SNED1: variants seen among roughly 807,000 people sequenced by gnomAD.
SNED1 encodes the protein sushi, nidogen and EGF-like domain-containing protein 1.
Under a neutral mutation model 166.7 loss-of-function variants are expected in SNED1, and 81 were observed. The ratio of observed to expected loss-of-function variants is 0.49; its 90% CI spans 0.41 to 0.58. SNED1 has a LOEUF of 0.58. Ranked by LOEUF, SNED1 falls within the 20% of genes least tolerant of loss-of-function variation. The pLI is 0.00. For missense variants in SNED1, 1,604 were observed against 2,000.2 expected (o/e 0.80, Z 3.78); for synonymous variants, 762 against 822.0 (o/e 0.93, Z 1.25).
At position 241,022,300 on chromosome 2, in the gene SNED1, A is replaced by G. The variant is rs181477707; in HGVS notation, c.214-7984A>G. 7.2e-5 allele frequency among the ~76,000 whole-genome samples: 11 copies of G among 152,298 alleles called. 1 individual carries two copies. In the East Asian group the frequency reaches 2.1e-3, roughly 29 times the overall value. Reference sequence around the variant, plus strand: ...GGTGTCATATCCAAGAAACCATGGGATAATCCAAGGTCACAAAGATTTACA... The same window carrying G: ...GGTGTCATATCCAAGAAACCATGGGGTAATCCAAGGTCACAAAGATTTACA... On this transcript the variant is annotated intron_variant, in intron 1 of 31. Coordinates refer to ENST00000310397, the MANE Select transcript of SNED1 (RefSeq NM_001080437.3).
At chr2:241,006,337 C>T (rs2060220810) in intron 1 of SNED1, among the ~76,000 whole-genome samples, 1 of 152,144 alleles carries the variant, frequency 6.6e-6, no homozygotes, top group Non-Finnish European at 1.5e-5. Context: ...TTTAAAATTA[C>T]TGTCTACTAA....
At chr2:241,048,862 G>C in intron 10 of SNED1, 96 bp downstream of exon 10, 1 of 1,229,048 alleles carries the variant, frequency 8.1e-7, no homozygotes, top group Non-Finnish European at 1.2e-6. Flanking sequence ...GGTCCAGACT[G>C]TCGACCATTG....
chr2:241,079,749 TATC>T (rs1340275010), intron 27 of SNED1, among the ~76,000 whole-genome samples: 5 of 151,158 alleles, frequency 3.3e-5, no homozygotes, highest in African/African-American at 4.8e-5. Flanking sequence ...AGGAAAAAAA[TATC>T]ATTGCAAGCG....
chr2:241,040,271 G>T, intron 7 of SNED1, 29 bp from the exon 8 acceptor site: 1 of 1,579,254 alleles, frequency 6.3e-7, no homozygotes. Context: ...CCTGGCTCAA[G>T]CCAAGCCCGC....
chr2:241,052,480 AG>A lies in SNED1; in HGVS notation c.2083+17del. 6.6e-7 allele frequency: 1 copy of A among 1,508,670 alleles called. No individual in the cohort carries two copies. The highest frequency in any genetic ancestry group is 2.8e-5 in the East Asian group (1 of 36,018). 93.5% of individuals were successfully genotyped at this position (1,508,670 alleles called of 1,614,324 possible). On this transcript the variant is annotated intron_variant, in intron 15 of 31. Coordinates refer to ENST00000310397, the MANE Select transcript of SNED1 (RefSeq NM_001080437.3). ...CCGGTGCCAGGCAGGTGAGAGGGTC[AG>A]GGGGATCAAGCAGGGTACATGGGAT...
intron 8 of SNED1, among the ~76,000 whole-genome samples, chr2:241,046,919 C>T (rs780983690): frequency 3.9e-5 from 6 of 152,026 alleles, no homozygotes; most frequent in Admixed American, 1.3e-4. Flanking sequence ...CCAAGGCAGG[C>T]GGATCACGAG....
At chr2:241,053,025 T>G (rs1443803659) in intron 15 of SNED1, 128 bp from the exon 16 acceptor site, 1 of 866,112 alleles carries the variant, frequency 1.2e-6, no homozygotes, top group Non-Finnish European at 1.7e-6. Flanking sequence ...GAGGCACCTT[T>G]CCCCGGTGAA....
At chr2:241,079,751 T>C (rs775595768) in intron 27 of SNED1, among the ~76,000 whole-genome samples, 10 of 152,136 alleles carry the variant, frequency 6.6e-5, no homozygotes, top group African/African-American at 2.4e-4. Context: ...GAAAAAAATA[T>C]CATTGCAAGC....
intron 29 of SNED1, among the ~76,000 whole-genome samples, chr2:241,082,733 G>T (rs1320964713): frequency 1.3e-5 from 2 of 152,226 alleles, no homozygotes; most frequent in African/African-American, 4.8e-5. Flanking sequence ...CAGCTCATGA[G>T]AATGCCGGCC....
At chr2:241,035,848 G>C (rs1353413140) in intron 4 of SNED1, among the ~76,000 whole-genome samples, 1 of 134,328 alleles carries the variant, frequency 7.4e-6, no homozygotes, top group African/African-American at 2.9e-5. Flanking sequence ...CGCGCCACAG[G>C]GTTGGGAGTG....
chr2:241,050,791 C>G lies in SNED1; in HGVS notation c.1735+858C>G, dbSNP rs138753038. 8.3e-4 allele frequency among the ~76,000 whole-genome samples: 126 copies of G among 152,250 alleles called. 1 individual carries two copies. In the East Asian group the frequency reaches 0.022, roughly 26 times the overall value. Reference sequence around the variant, plus strand: ...AGAGCTGACTCTGGCCCTACTCCAGCTCACACCTGCCAGTGGTATGAAGTC... The same window carrying G: ...AGAGCTGACTCTGGCCCTACTCCAGGTCACACCTGCCAGTGGTATGAAGTC... On this transcript the variant is annotated intron_variant, in intron 12 of 31. Transcript: ENST00000310397.
chr2:241,048,270 C>T (rs961472321), intron 8 of SNED1, 45 bp from the exon 9 acceptor site: 41 of 1,549,302 alleles, frequency 2.6e-5, no homozygotes, highest in Non-Finnish European at 3.5e-5. Context: ...ACCACTCTCC[C>T]CACATTCCCT....
chr2:241,054,226 T>C (rs1015295079), intron 16 of SNED1, among the ~76,000 whole-genome samples: 5 of 152,148 alleles, frequency 3.3e-5, no homozygotes, highest in Non-Finnish European at 7.4e-5. Flanking sequence ...GAGAAGCCGA[T>C]ATCCTCAGAG....
chr2:241,048,372 G>A lies in SNED1; in HGVS notation c.1331G>A (p.Cys444Tyr). 6.2e-7 allele frequency: 1 copy of A among 1,611,986 alleles called. No homozygotes were observed. ...LSAPCHNGGT[C>Y]VDADQGYVCE... Reference sequence around the variant, plus strand: ...GCCCCTTGCCACAATGGGGGCACCTGTGTGGATGCGGACCAGGGCTACGTG... The same window carrying A: ...GCCCCTTGCCACAATGGGGGCACCTATGTGGATGCGGACCAGGGCTACGTG... Residue 444 changes from cysteine (C) to tyrosine (Y), a missense_variant, in exon 9 of 32, where the codon TGT (cysteine) becomes TAT (tyrosine). Physicochemically the swap from Cys to Tyr is radical, Grantham distance 194. Coordinates refer to ENST00000310397, the MANE Select transcript of SNED1 (RefSeq NM_001080437.3).
rs2063367811 is a variant in SNED1, at chr2:241,082,340, G to A, written c.4097G>A (p.Trp1366Ter). 6.2e-7 allele frequency: 1 copy of A among 1,613,386 alleles called. No homozygotes were observed. Among genetic ancestry groups the A allele is most frequent in the Non-Finnish European group, 8.5e-7 (1 of 1,179,474 alleles). The change falls in exon 29 of 32, where the codon TGG becomes TAG. Residue 1366 changes from tryptophan (W) to a stop codon, truncating the protein, a stop_gained. Transcript: ENST00000310397. LOFTEE classifies it high-confidence loss of function. ...TCCGAGACAAAGGCCTTTCCAGTCT[G>A]GGAGGGAGGCGTCTGTCACCACGTG... ...LFSETKAFPV[W>*]EGGVCHHVYK... is the part of the protein sequence containing the mutation.
At chr2:241,032,429 A>G (rs750381570) in intron 2 of SNED1, among the ~76,000 whole-genome samples, 88 of 142,800 alleles carry the variant, frequency 6.2e-4, no homozygotes, top group Non-Finnish European at 8.8e-4. Flanking sequence ...GTTCCCACCT[A>G]TGAGTGAGAA....
chr2:241,001,918 TC>T (rs2060088680), intron 1 of SNED1, among the ~76,000 whole-genome samples: 1 of 152,078 alleles, frequency 6.6e-6, no homozygotes, highest in Non-Finnish European at 1.5e-5. Context: ...ATGTGGACAG[TC>T]AGACTGACCC....
intron 30 of SNED1, chr2:241,088,140 A>T: frequency 1.9e-6 from 1 of 538,382 alleles, no homozygotes; most frequent in Non-Finnish European, 3.3e-6. Flanking sequence ...ACAGCCAGCC[A>T]GGTTTCTAGC....
chr2:241,012,478 G>GT (rs1361724960), intron 1 of SNED1, among the ~76,000 whole-genome samples: 1 of 152,186 alleles, frequency 6.6e-6, no homozygotes, highest in Non-Finnish European at 1.5e-5. Flanking sequence ...CCTCCCTGGT[G>GT]TTTTTAGGGT....
Sources: allele counts gnomAD v4.1 joint callset (sites outside exome capture counted in the v4.1 genomes callset), GRCh38; gene constraint gnomAD v4.1.1; transcripts MANE v1.5; gene names NCBI Gene and HGNC (gene_info 2026-07-23, HGNC 2026-07-21).